The following TMEM266 variants were observed in gnomAD, a reference collection of about 807,000 sequenced individuals.
TMEM266 encodes the protein transmembrane protein 266.
Under a neutral mutation model 50.5 loss-of-function variants are expected in TMEM266, and 33 were observed. That is an observed-to-expected ratio of 0.65 (90% CI 0.50 to 0.87). The LOEUF is 0.87. TMEM266 is among the 40% of genes least tolerant of loss of function. TMEM266 has a pLI of 0.00. For synonymous variants in TMEM266, 310 were observed against 292.3 expected (o/e 1.06, Z -0.62); for missense variants, 655 against 695.1 (o/e 0.94, Z 0.65).
At chr15:76,108,775 T>G (rs1335889496) in intron 1 of TMEM266, among the ~76,000 whole-genome samples, 1 of 152,180 alleles carries the variant, frequency 6.6e-6, no homozygotes, top group Non-Finnish European at 1.5e-5. Context: ...TGTTTCCATG[T>G]GAAAACCTTC....
chr15:76,088,910 A>G (rs1354905529), intron 1 of TMEM266, among the ~76,000 whole-genome samples: 1 of 151,814 alleles, frequency 6.6e-6, no homozygotes, highest in African/African-American at 2.4e-5. Flanking sequence ...CCTGGCCAAC[A>G]TGGTGAAACC....
intron 5 of TMEM266, among the ~76,000 whole-genome samples, chr15:76,166,241 A>C (rs368560608): frequency 6.6e-6 from 1 of 151,618 alleles, no homozygotes. Flanking sequence ...TGCGGGGGGG[A>C]AAAGCCAGCA....
intron 2 of TMEM266, among the ~76,000 whole-genome samples, chr15:76,136,435 T>G (rs1465891520): frequency 6.6e-6 from 1 of 152,100 alleles, no homozygotes; most frequent in East Asian, 1.9e-4. Flanking sequence ...ATGTTCTGAT[T>G]GGAGAAACTG....
chr15:76,169,272 GTC>G (rs1317447206), intron 5 of TMEM266, among the ~76,000 whole-genome samples: 2 of 152,102 alleles, frequency 1.3e-5, no homozygotes, highest in African/African-American at 2.4e-5. Flanking sequence ...GGGAAATGTA[GTC>G]TTTAGTTGGG....
At chr15:76,200,499 T>A (rs1273723243) in intron 9 of TMEM266, among the ~76,000 whole-genome samples, 1 of 152,232 alleles carries the variant, frequency 6.6e-6, no homozygotes, top group Non-Finnish European at 1.5e-5. Flanking sequence ...TCATTTACCC[T>A]GGCCTCCTCC....
intron 1 of TMEM266, among the ~76,000 whole-genome samples, chr15:76,118,789 G>A (rs1345411108): frequency 6.6e-6 from 1 of 152,184 alleles, no homozygotes; most frequent in African/African-American, 2.4e-5. Flanking sequence ...GATCCTTCCG[G>A]CATCCCAGGA....
rs755147854 is a variant in TMEM266, at chr15:76,192,047, C to A, written c.848C>A (p.Ala283Asp). Residue 283 changes from alanine to aspartate, a missense_variant, in exon 9 of 11, where the codon GCC (alanine) becomes GAC (aspartate). Around this residue, in one of 3 missense-constraint regions of TMEM266, gnomAD observed 455 missense variants for 401.8 expected, o/e 1.13. Coordinates refer to ENST00000388942, the MANE Select transcript of TMEM266 (RefSeq NM_152335.3). ...GCCGAGCGCGAAGCGGCGCTCCAGG[C>A]CCCGCACGTGCTCAGCCAGCCGCGC... The A allele has an allele frequency of 4.5e-6, 7 of 1,544,050 alleles. No individual in the cohort carries two copies. In the Admixed American group the frequency reaches 7.8e-5, roughly 17 times the overall value.
At chr15:76,099,469 C>G (rs949525259) in intron 1 of TMEM266, among the ~76,000 whole-genome samples, 1 of 152,226 alleles carries the variant, frequency 6.6e-6, no homozygotes, top group African/African-American at 2.4e-5. Flanking sequence ...AGAAATCACC[C>G]ATCTTCTGTG....
In TMEM266 at chr15:76,153,112, T is replaced by TA. The variant is rs1462723000; in HGVS notation, c.228-3491dup. Reference sequence around the variant, plus strand: ...CTCCTGCAGCTTCCTAACCACCTGATATGGTTAGTAAGTTTCTCTAACAAA... The same window carrying TA: ...CTCCTGCAGCTTCCTAACCACCTGATAATGGTTAGTAAGTTTCTCTAACAAA... On this transcript the variant is annotated intron_variant, in intron 3 of 10. Coordinates refer to ENST00000388942, the MANE Select transcript of TMEM266 (RefSeq NM_152335.3). This position sits in a 1 kb window ranked among gnomAD's most constrained non-coding sequence, Gnocchi z 4.2. Among the ~76,000 whole-genome samples the TA allele has an allele frequency of 6.8e-6, 1 of 147,270 alleles. No individual in the cohort carries two copies. The highest frequency in any genetic ancestry group is 2.5e-5 in the African/African-American group (1 of 39,462).
rs138663824 is a variant in TMEM266 at position 76,110,382 on chromosome 15, C to T, written c.-96-23786C>T. On this transcript the variant is annotated intron_variant, in intron 1 of 10. Transcript: ENST00000388942. ...ATGCAGCCCAGGACAGCTTTGAATGCGGCACAACACAAATTCATAAACTTT... is the reference window on the plus strand; with the variant it reads ...ATGCAGCCCAGGACAGCTTTGAATGTGGCACAACACAAATTCATAAACTTT... Among the ~76,000 whole-genome samples the T allele has an allele frequency of 8.3e-4, 127 of 152,308 alleles. 1 individual carries two copies. In the East Asian group the frequency reaches 0.017, roughly 20 times the overall value.
intron 8 of TMEM266, among the ~76,000 whole-genome samples, chr15:76,190,856 C>T (rs2038556822): frequency 6.6e-6 from 1 of 152,082 alleles, no homozygotes. Context: ...TTAGGCAGGG[C>T]GCCCGGGCGT....
At chr15:76,101,395 G>C (rs1043871839) in intron 1 of TMEM266, among the ~76,000 whole-genome samples, 1 of 152,168 alleles carries the variant, frequency 6.6e-6, no homozygotes, top group Non-Finnish European at 1.5e-5. Context: ...TGAGAACACC[G>C]GGACTGGTCT....
At position 76,134,308 on chromosome 15, in the gene TMEM266, A is replaced by G. The variant is rs960490884; in HGVS notation, c.38+7A>G. ...TCAACATGACCAATCCACAGTAAGTAATGCTGGGATCTGCTCTCTGGATCC... is the reference window on the plus strand; with the variant it reads ...TCAACATGACCAATCCACAGTAAGTGATGCTGGGATCTGCTCTCTGGATCC... On this transcript the variant is annotated splice_region_variant and intron_variant, in intron 2 of 10. Transcript: ENST00000388942. The G allele has an allele frequency of 1.2e-6, 2 of 1,613,034 alleles. No individual in the cohort carries two copies. Among genetic ancestry groups the G allele is most frequent in the African/African-American group, 2.7e-5 (2 of 75,014 alleles).
At chr15:76,109,105 C>G (rs1490611826) in intron 1 of TMEM266, 1 of 152,110 alleles carries the variant, frequency 6.6e-6, no homozygotes, top group Non-Finnish European at 1.5e-5. Context: ...TCAGATGTTC[C>G]TGGGATCAAA....
intron 10 of TMEM266, 120 bp downstream of exon 10, chr15:76,202,384 A>C: frequency 1.2e-6 from 1 of 860,574 alleles, no homozygotes; most frequent in South Asian, 1.8e-5. Context: ...CCATAACTGC[A>C]GGCAGTGCTC....
rs201845851 is a variant in TMEM266 at position 76,171,122 on chromosome 15, G to A, written c.643G>A (p.Val215Ile). The A allele has an allele frequency of 5.6e-6, 9 of 1,613,738 alleles. No homozygotes were observed. The Admixed American group carries it at 1.0e-4, about 18-fold the overall frequency. The change falls in exon 7 of 11, where the codon GTC becomes ATC. Residue 215 changes from valine to isoleucine, a missense_variant. Val to Ile is a conservative substitution (Grantham distance 29). Coordinates refer to ENST00000388942, the MANE Select transcript of TMEM266 (RefSeq NM_152335.3). ...KRVIDAYVLP[V>I]KLEMEMVIQQ... is the part of the protein sequence containing the mutation. ...GCTCCGGATCTGGAGGGTGAAGAGG[G>A]TCATTGATGGTGAGTGGCCCGAGGG...
At chr15:76,120,526 C>A (rs982634682) in intron 1 of TMEM266, among the ~76,000 whole-genome samples, 1 of 151,806 alleles carries the variant, frequency 6.6e-6, no homozygotes, top group Non-Finnish European at 1.5e-5. Flanking sequence ...TATAGGAGGC[C>A]GAGACAGGTG....
intron 1 of TMEM266, among the ~76,000 whole-genome samples, chr15:76,105,744 T>C (rs2037070281): frequency 6.6e-6 from 1 of 152,122 alleles, no homozygotes; most frequent in African/African-American, 2.4e-5. Context: ...CCATACCTGG[T>C]GTGGGATCTG....
Position 76,160,217 on chromosome 15 carries a change from T to C in TMEM266, c.456+49T>C. 1 of 1,559,676 alleles carries C rather than the reference T, an allele frequency of 6.4e-7. No homozygotes were observed. Among genetic ancestry groups the C allele is most frequent in the Non-Finnish European group, 8.8e-7 (1 of 1,132,344 alleles). ...CACCTCCTCTGTTGGGTGACTCCTG[T>C]CCTGGGGAAACCAAGGTCTACTTCT... On this transcript the variant is annotated intron_variant, in intron 5 of 10. Coordinates refer to ENST00000388942, the MANE Select transcript of TMEM266 (RefSeq NM_152335.3). This position sits in a 1 kb window ranked among gnomAD's most constrained non-coding sequence, Gnocchi z 5.7.
Sources: gnomAD v4.1 joint callset for allele counts (sites outside exome capture counted in the v4.1 genomes callset) on GRCh38, gnomAD v4.1.1 for gene constraint, gnomAD v4.1.1 regional missense constraint, Gnocchi (gnomAD v3.1) non-coding constraint, MANE v1.5 for transcripts, NCBI Gene and HGNC (gene_info 2026-07-23, HGNC 2026-07-21) for gene names.